Variants in PPP3CA observed in about 807,000 individuals in gnomAD.
The protein encoded by PPP3CA is CAM-PRP catalytic subunit.
A neutral mutation model predicts 66.5 loss-of-function variants in PPP3CA; 14 were observed. The ratio of observed to expected loss-of-function variants is 0.21; its 90% CI spans 0.14 to 0.33. The LOEUF is 0.33. Ranked by LOEUF, PPP3CA falls within the 10% of genes least tolerant of loss-of-function variation. The pLI, the probability that PPP3CA is intolerant of heterozygous loss-of-function variation, is 1.00. For missense variants in PPP3CA, 317 were observed against 639.5 expected (o/e 0.50, Z 5.44); for synonymous variants, 232 against 226.2 (o/e 1.03, Z -0.23).
intron 1 of PPP3CA, among the ~76,000 whole-genome samples, chr4:101,240,332 T>A (rs965281255): frequency 6.6e-6 from 1 of 152,094 alleles, no homozygotes; most frequent in Non-Finnish European, 1.5e-5. Flanking sequence ...TTACATAAAA[T>A]TAATGGAGGC....
intron 2 of PPP3CA, among the ~76,000 whole-genome samples, chr4:101,156,983 G>A (rs1335782500): frequency 6.6e-6 from 1 of 152,208 alleles, no homozygotes; most frequent in Non-Finnish European, 1.5e-5. Flanking sequence ...GAAATACCAC[G>A]TTCCCTTAGC....
intron 1 of PPP3CA, among the ~76,000 whole-genome samples, chr4:101,279,956 C>T (rs948102917): frequency 8.5e-5 from 13 of 152,186 alleles, no homozygotes; most frequent in African/African-American, 3.1e-4. Context: ...TTGACGGAAG[C>T]ACTTTCACAT....
chr4:101,099,851 C>G, intron 3 of PPP3CA, 129 bp from the exon 4 acceptor site: 1 of 419,598 alleles, frequency 2.4e-6, no homozygotes, highest in Non-Finnish European at 4.0e-6. Context: ...AAGGCTGGAA[C>G]TTAGTAGAGA....
chr4:101,316,595 T>G (rs1728892287), intron 1 of PPP3CA, among the ~76,000 whole-genome samples: 1 of 152,176 alleles, frequency 6.6e-6, no homozygotes, highest in African/African-American at 2.4e-5. Flanking sequence ...TAAAGGGATA[T>G]TTATCATCTA....
chr4:101,118,801 T>A (rs1464653841), intron 2 of PPP3CA, among the ~76,000 whole-genome samples: 1 of 151,942 alleles, frequency 6.6e-6, no homozygotes, highest in Non-Finnish European at 1.5e-5. Flanking sequence ...TTCCCCAATC[T>A]CCTCCTTTGC....
chr4:101,347,154 C>T lies in PPP3CA; in HGVS notation c.-358G>A, dbSNP rs1390198700. On this transcript the variant is annotated 5_prime_UTR_variant, in exon 1 of 14. Transcript: ENST00000394854. ...GAAGCGCACACACGAGCACCCACCC[C>T]GGCACGGAGACCCAGCACCGCGGAA... The T allele has an allele frequency of 4.8e-6, 2 of 413,528 alleles. No individual in the cohort carries two copies. Among genetic ancestry groups the T allele is most frequent in the Non-Finnish European group, 8.8e-6 (2 of 226,502 alleles). 25.6% of individuals were successfully genotyped at this position (413,528 alleles called of 1,614,324 possible). A position where few individuals can be genotyped will look rare whatever the true frequency, so the allele number is the denominator to read the frequency against.
chr4:101,274,703 ATGT>A (rs2110270234), intron 1 of PPP3CA, among the ~76,000 whole-genome samples: 1 of 152,278 alleles, frequency 6.6e-6, no homozygotes, highest in South Asian at 2.1e-4. Flanking sequence ...GAAAAAATAC[ATGT>A]TGTCCAATTA....
chr4:101,169,731 A>G (rs1199496319), intron 2 of PPP3CA, among the ~76,000 whole-genome samples: 3 of 83,546 alleles, frequency 3.6e-5, no homozygotes, highest in Non-Finnish European at 7.9e-5. Flanking sequence ...CAGAAGAAGT[A>G]AATGCCTTTT....
In PPP3CA at chr4:101,093,868, G is replaced by A. The variant is rs1362892542; in HGVS notation, c.690C>T (p.Ile230=). 1 of 1,613,230 alleles carries A rather than the reference G, an allele frequency of 6.2e-7. No individual in the cohort carries two copies. Among genetic ancestry groups the A allele is most frequent in the East Asian group, 2.2e-5 (1 of 44,848 alleles). ...AATCTTCCAGGGGGTCTGACCACAG[G>A]ATATCACACATAGGTCCATATGCAG... ...EPPAYGPMCD[I]LWSDPLEDFG... is the part of the protein sequence containing the mutation. Residue 230 remains isoleucine (I), a synonymous_variant, in exon 6 of 14, where the codon ATC becomes ATT. Coordinates refer to ENST00000394854, the MANE Select transcript of PPP3CA (RefSeq NM_000944.5).
intron 1 of PPP3CA, among the ~76,000 whole-genome samples, chr4:101,227,458 G>A (rs766052634): frequency 6.6e-6 from 1 of 151,718 alleles, no homozygotes; most frequent in East Asian, 1.9e-4. Context: ...GCACATAGAA[G>A]GCCATTCAAT....
At chr4:101,152,317 G>A (rs1723169100) in intron 2 of PPP3CA, among the ~76,000 whole-genome samples, 1 of 152,142 alleles carries the variant, frequency 6.6e-6, no homozygotes, top group Admixed American at 6.5e-5. Context: ...AACTTGATAA[G>A]AAATAGGTAA....
At chr4:101,191,545 G>A (rs144214825) in intron 2 of PPP3CA, among the ~76,000 whole-genome samples, 6 of 152,118 alleles carry the variant, frequency 3.9e-5, no homozygotes, top group African/African-American at 9.6e-5. Context: ...CTAAAGATTT[G>A]GCCACTAAAA....
At chr4:101,083,113 G>C in intron 7 of PPP3CA, 73 bp downstream of exon 7, 1 of 1,181,186 alleles carries the variant, frequency 8.5e-7, no homozygotes, top group Non-Finnish European at 1.1e-6. Context: ...GGAACCTGCA[G>C]AGCCTAAGCA....
chr4:101,250,245 T>A (rs1480031492), intron 1 of PPP3CA: 1 of 420,454 alleles, frequency 2.4e-6, no homozygotes, highest in Non-Finnish European at 4.8e-6. Flanking sequence ...TCACGCAGTG[T>A]GGTGTTATGA....
At chr4:101,053,952 C>G (rs1728118357) in intron 10 of PPP3CA, among the ~76,000 whole-genome samples, 1 of 151,986 alleles carries the variant, frequency 6.6e-6, no homozygotes, top group African/African-American at 2.4e-5. Context: ...TGTTCATTTT[C>G]CAAGCATTTA....
intron 3 of PPP3CA, among the ~76,000 whole-genome samples, chr4:101,106,450 A>AAGAG (rs1553925316): frequency 0.015 from 169 of 11,120 alleles, 50 homozygotes; most frequent in African/African-American, 0.061. Flanking sequence ...AGAAAGAAAG[A>AAGAG]AAGAGAAAAG....
At position 101,160,247 on chromosome 4, in the gene PPP3CA, A is replaced by G. The variant is rs1723459586; in HGVS notation, c.259+35669T>C. Among the ~76,000 whole-genome samples, 6 of 152,238 alleles carry G rather than the reference A, an allele frequency of 3.9e-5. No homozygotes were observed. The South Asian group carries it at 1.2e-3, about 32-fold the overall frequency. On this transcript the variant is annotated intron_variant, in intron 2 of 13. Transcript: ENST00000394854. Reference sequence around the variant, plus strand: ...GCTAACAAAATTCTCAAGTACGTACATTTACTTCCCCATGGAAAATCCATT... The same window carrying G: ...GCTAACAAAATTCTCAAGTACGTACGTTTACTTCCCCATGGAAAATCCATT...
At position 101,250,781 on chromosome 4, in the gene PPP3CA, T is replaced by A. The variant is rs529885547; in HGVS notation, c.59-54665A>T. Among the ~76,000 whole-genome samples, 13 of 152,222 alleles carry A rather than the reference T, an allele frequency of 8.5e-5. No individual in the cohort carries two copies. The South Asian group carries it at 2.7e-3, about 32-fold the overall frequency. On this transcript the variant is annotated intron_variant, in intron 1 of 13. Coordinates refer to ENST00000394854, the MANE Select transcript of PPP3CA (RefSeq NM_000944.5). ...GGTTAAATTTTTTCCAACTATTAAA[T>A]TTTTAATAGGTTTAATAAGCAAGTG...
intron 1 of PPP3CA, among the ~76,000 whole-genome samples, chr4:101,300,586 G>T (rs1728342880): frequency 6.6e-6 from 1 of 152,114 alleles, no homozygotes; most frequent in East Asian, 1.9e-4. Context: ...CTTGATGCCA[G>T]GAGTTCAAGA....
Sources: gnomAD v4.1 joint callset for allele counts (sites outside exome capture counted in the v4.1 genomes callset) on GRCh38, gnomAD v4.1.1 for gene constraint, MANE v1.5 for transcripts, NCBI Gene and HGNC (gene_info 2026-07-23, HGNC 2026-07-21) for gene names.